Variants in CYP2C18 observed in about 807,000 individuals in gnomAD.
CYP2C18 encodes cytochrome P450 2C18.
In CYP2C18, 38 loss-of-function variants were observed where a neutral mutation model predicts 41.3. The ratio of observed to expected loss-of-function variants is 0.92; its 90% CI spans 0.71 to 1.21. CYP2C18 has a LOEUF of 1.21. CYP2C18 is among the 50% of genes most tolerant of loss of function. CYP2C18 has a pLI of 0.00. For missense variants in CYP2C18, 635 were observed against 591.4 expected (o/e 1.07, Z -0.77); for synonymous variants, 236 against 210.0 (o/e 1.12, Z -1.07).
rs930970499 is a variant in CYP2C18, at chr10:94,724,642, C to T, written c.1149+109C>T. On this transcript the variant is annotated intron_variant, in intron 7 of 8. Transcript: ENST00000285979. ...TGATGAGAGAAGTGTAAAATTCATA[C>T]GTGGGGCAGCTTTCTGGACTCTGCT... 20 of 1,078,282 alleles carry T rather than the reference C, an allele frequency of 1.9e-5. No homozygotes were observed. In the African/African-American group the frequency reaches 2.2e-4, roughly 12 times the overall value. The allele number at this position is 1,078,282 out of a possible 1,614,324, so 66.8% of individuals were successfully genotyped here. A position where few individuals can be genotyped will look rare whatever the true frequency, so the allele number is the denominator to read the frequency against.
At chr10:94,700,846 G>A (rs1847226296) in intron 4 of CYP2C18, among the ~76,000 whole-genome samples, 1 of 152,216 alleles carries the variant, frequency 6.6e-6, no homozygotes, top group South Asian at 2.1e-4. Flanking sequence ...AGACAGTTAT[G>A]CAGCCAAAGG....
intron 7 of CYP2C18, among the ~76,000 whole-genome samples, chr10:94,731,183 A>T (rs1428224453): frequency 6.6e-6 from 1 of 152,162 alleles, no homozygotes; most frequent in African/African-American, 2.4e-5. Context: ...GATCAAGAAC[A>T]TCCTGGCTAA....
At chr10:94,689,730 A>G (rs1188736534) in intron 3 of CYP2C18, among the ~76,000 whole-genome samples, 1 of 152,154 alleles carries the variant, frequency 6.6e-6, no homozygotes, top group African/African-American at 2.4e-5. Context: ...AGGTCCGTAC[A>G]TGTTCTGTAC....
Position 94,701,475 on chromosome 10 carries a change from G to A in CYP2C18, c.643-5309G>A, listed in dbSNP as rs187212139. Among the ~76,000 whole-genome samples the A allele has an allele frequency of 5.6e-4, 85 of 152,182 alleles. 1 individual carries two copies. In the South Asian group the frequency reaches 0.016, roughly 29 times the overall value. ...CACACACTGGGGCCTGTTGTGGGGC[G>A]GGGAAAGGGGGAGGGATAGCATTAG... On this transcript the variant is annotated intron_variant, in intron 4 of 8. Coordinates refer to ENST00000285979, the MANE Select transcript of CYP2C18 (RefSeq NM_000772.3).
chr10:94,731,670 T>C (rs887726845), intron 7 of CYP2C18, among the ~76,000 whole-genome samples: 3 of 152,080 alleles, frequency 2.0e-5, no homozygotes, highest in Admixed American at 6.6e-5. Flanking sequence ...GCAGCATACC[T>C]ACAGCCATCT....
chr10:94,683,893 G>C lies in CYP2C18; in HGVS notation c.74G>C (p.Gly25Ala). 1.2e-6 allele frequency: 2 copies of C among 1,611,820 alleles called. No individual in the cohort carries two copies. The highest frequency in any genetic ancestry group is 1.7e-6 in the Non-Finnish European group (2 of 1,178,928). Residue 25 changes from glycine (G) to alanine (A), a missense_variant, in exon 1 of 9, where the codon GGA (glycine) becomes GCA (alanine). Physicochemically the swap from Gly to Ala is moderately conservative, Grantham distance 60. Transcript: ENST00000285979. ...FLLSLWRQSS[G>A]RGRLPSGPTP... Reference sequence around the variant, plus strand: ...CTTTCACTCTGGAGGCAGAGCTCTGGAAGAGGGAGGCTCCCGTCTGGCCCC... The same window carrying C: ...CTTTCACTCTGGAGGCAGAGCTCTGCAAGAGGGAGGCTCCCGTCTGGCCCC...
chr10:94,715,734 T>C (rs1847529189), intron 5 of CYP2C18, among the ~76,000 whole-genome samples: 1 of 152,266 alleles, frequency 6.6e-6, no homozygotes, highest in African/African-American at 2.4e-5. Context: ...TTTCTATTGA[T>C]TGGAATAGTT....
At chr10:94,706,667 C>A in intron 4 of CYP2C18, 117 bp from the exon 5 acceptor site, 1 of 592,650 alleles carries the variant, frequency 1.7e-6, no homozygotes, top group Non-Finnish European at 2.9e-6. Flanking sequence ...TCAAATGCTC[C>A]TCTTACAGAG....
At chr10:94,713,705 A>G (rs1373071833) in intron 5 of CYP2C18, among the ~76,000 whole-genome samples, 1 of 152,212 alleles carries the variant, frequency 6.6e-6, no homozygotes, top group East Asian at 1.9e-4. Flanking sequence ...CAGTAATGGG[A>G]TGGCTGGGTC....
At chr10:94,726,462 T>C (rs1007208364) in intron 7 of CYP2C18, among the ~76,000 whole-genome samples, 1 of 152,134 alleles carries the variant, frequency 6.6e-6, no homozygotes, top group African/African-American at 2.4e-5. Context: ...GATCTTGTGA[T>C]AGTTTGCTGA....
chr10:94,688,686 A>G (rs1300158546), intron 3 of CYP2C18, among the ~76,000 whole-genome samples: 1 of 152,210 alleles, frequency 6.6e-6, no homozygotes, highest in Non-Finnish European at 1.5e-5. Flanking sequence ...GACTATGCAT[A>G]CGCTGTGAGT....
At chr10:94,690,124 T>C (rs967229255) in intron 3 of CYP2C18, among the ~76,000 whole-genome samples, 4 of 152,160 alleles carry the variant, frequency 2.6e-5, no homozygotes, top group Admixed American at 2.0e-4. Flanking sequence ...AAGGGAAGTC[T>C]GTTTTGGGGC....
At chr10:94,720,838 G>A (rs969431398) in intron 6 of CYP2C18, among the ~76,000 whole-genome samples, 1 of 152,086 alleles carries the variant, frequency 6.6e-6, no homozygotes, top group African/African-American at 2.4e-5. Flanking sequence ...TTTGTAGCAG[G>A]CACAGGCATG....
chr10:94,690,327 G>A (rs1196658539), intron 3 of CYP2C18, among the ~76,000 whole-genome samples: 3 of 152,110 alleles, frequency 2.0e-5, no homozygotes, highest in Non-Finnish European at 4.4e-5. Context: ...TTATCTCCCT[G>A]ATATAGTTTG....
chr10:94,713,887 T>C (rs1444300709), intron 5 of CYP2C18, among the ~76,000 whole-genome samples: 2 of 152,262 alleles, frequency 1.3e-5, no homozygotes, highest in Non-Finnish European at 2.9e-5. Context: ...TGGTGTGAGA[T>C]GGTATCTCAT....
At chr10:94,728,845 T>C (rs1304334762) in intron 7 of CYP2C18, among the ~76,000 whole-genome samples, 5 of 152,104 alleles carry the variant, frequency 3.3e-5, no homozygotes, top group African/African-American at 1.2e-4. Context: ...AAGTCACAAT[T>C]ACCCAATGTA....
At chr10:94,710,210 G>A (rs1304177411) in intron 5 of CYP2C18, among the ~76,000 whole-genome samples, 1 of 152,212 alleles carries the variant, frequency 6.6e-6, no homozygotes, top group Non-Finnish European at 1.5e-5. Context: ...GCCTCAAGCA[G>A]TCCACCCACC....
rs1347768126 is a variant in CYP2C18 at position 94,715,740 on chromosome 10, T to C, written c.820-4656T>C. Reference sequence around the variant, plus strand: ...TTCCCTCTTTTTCTATTGATTGGAATAGTTTCAGAAGGAATGGTACCACCT... The same window carrying C: ...TTCCCTCTTTTTCTATTGATTGGAACAGTTTCAGAAGGAATGGTACCACCT... On this transcript the variant is annotated intron_variant, in intron 5 of 8. Transcript: ENST00000285979. Among the ~76,000 whole-genome samples, 4 of 152,312 alleles carry C rather than the reference T, an allele frequency of 2.6e-5. No individual in the cohort carries two copies. In the East Asian group the frequency reaches 7.7e-4, roughly 29 times the overall value.
chr10:94,687,804 A>AT lies in CYP2C18; in HGVS notation c.207dup (p.Gly70TrpfsTer12), dbSNP rs372279673. On this transcript the variant is annotated frameshift_variant, in exon 2 of 9. Transcript: ENST00000285979. LOFTEE classifies it high-confidence loss of function. ...GTCTATGGCCCTGTGTTCACTGTGT[A>AT]TTTTGGCCTGAAGCCCATTGTGGTG... 16 of 1,613,634 alleles carry AT rather than the reference A, an allele frequency of 9.9e-6. No individual in the cohort carries two copies. Among genetic ancestry groups the AT allele is most frequent in the African/African-American group, 9.3e-5 (7 of 74,978 alleles).
Sources: gnomAD v4.1 joint callset for allele counts (sites outside exome capture counted in the v4.1 genomes callset) on GRCh38, gnomAD v4.1.1 for gene constraint, MANE v1.5 for transcripts, NCBI Gene and HGNC (gene_info 2026-07-23, HGNC 2026-07-21) for gene names.